EPHA7: variants seen among roughly 807,000 people sequenced by gnomAD.
The protein encoded by EPHA7 is ephrin type-A receptor 7.
In EPHA7, 25 loss-of-function variants were observed where a neutral mutation model predicts 112.6. The ratio of observed to expected loss-of-function variants is 0.22; its 90% CI spans 0.16 to 0.31. The LOEUF (loss-of-function observed/expected upper bound fraction) is 0.31, where lower values mean the gene tolerates loss of function less well. Among genes scored for constraint, EPHA7 ranks in the 10% least tolerant of loss-of-function variants. The pLI is 1.00. For synonymous variants in EPHA7, 437 were observed against 406.5 expected, an observed-to-expected ratio of 1.07 and a Z score of -0.90; for missense variants, 962 against 1,212.6, an observed-to-expected ratio of 0.79 and a Z score of 3.07.
At chr6:93,317,509 G>T (rs1160809394) in intron 5 of EPHA7, among the ~76,000 whole-genome samples, 5 of 151,972 alleles carry the variant, frequency 3.3e-5, no homozygotes, top group Non-Finnish European at 2.9e-5. Context: ...CATTTTTCAG[G>T]TCATTCAATT....
chr6:93,282,965 C>T lies in EPHA7; in HGVS notation c.1325-10543G>A, dbSNP rs567297775. Among the ~76,000 whole-genome samples, 146 of 152,298 alleles carry T rather than the reference C, an allele frequency of 9.6e-4. 3 individuals are homozygous for T. The South Asian group carries it at 0.026, about 27-fold the overall frequency. The stretch of plus-strand genomic sequence containing the variant: ...CCTTCTCCACCGTGCCTAGTCCCAT[C>T]GACCACCCAAGGGCTGAGGAGTGCA... On this transcript the variant is annotated intron_variant, in intron 5 of 16. Transcript: ENST00000369303.
At chr6:93,263,821 A>G (rs867489225) in intron 9 of EPHA7, 39 bp downstream of exon 9, 2 of 1,553,992 alleles carry the variant, frequency 1.3e-6, no homozygotes, top group Middle Eastern at 3.4e-4. Context: ...TTTTCTGTTA[A>G]TAGGGGTACA....
At chr6:93,249,884 A>C (rs573918332) in intron 14 of EPHA7, among the ~76,000 whole-genome samples, 51 of 152,278 alleles carry the variant, frequency 3.3e-4, no homozygotes, top group African/African-American at 1.2e-3. Flanking sequence ...TATATTCTTA[A>C]GTTTTTGTAG....
chr6:93,386,854 C>T (rs180894021), intron 3 of EPHA7, among the ~76,000 whole-genome samples: 33 of 152,198 alleles, frequency 2.2e-4, no homozygotes, highest in African/African-American at 7.5e-4. Flanking sequence ...TACCTTGGCC[C>T]CTTTTAGCCA....
intron 3 of EPHA7, among the ~76,000 whole-genome samples, chr6:93,383,241 T>G (rs533339240): frequency 6.7e-6 from 1 of 149,236 alleles, no homozygotes; most frequent in African/African-American, 2.5e-5. Context: ...ATATAAAATA[T>G]ACAATGACTT....
intron 5 of EPHA7, among the ~76,000 whole-genome samples, chr6:93,297,210 A>G (rs1772718201): frequency 6.6e-6 from 1 of 152,074 alleles, no homozygotes. Context: ...GTCTTCACAG[A>G]AGGCATTTTC....
At chr6:93,250,675 C>G (rs1258419679) in intron 14 of EPHA7, among the ~76,000 whole-genome samples, 1 of 152,078 alleles carries the variant, frequency 6.6e-6, no homozygotes, top group Admixed American at 6.6e-5. Flanking sequence ...GGTAAGATAG[C>G]TGGCCCTCCA....
chr6:93,330,966 C>A (rs1774564151), intron 5 of EPHA7, among the ~76,000 whole-genome samples: 1 of 151,370 alleles, frequency 6.6e-6, no homozygotes, highest in Admixed American at 6.6e-5. Context: ...AACATGCACA[C>A]CTACCCACAA....
At chr6:93,412,681 G>A (rs1779035048) in intron 2 of EPHA7, among the ~76,000 whole-genome samples, 1 of 152,012 alleles carries the variant, frequency 6.6e-6, no homozygotes, top group Non-Finnish European at 1.5e-5. Flanking sequence ...CCATTTGGAT[G>A]GCTAGATTTC....
At chr6:93,419,182 G>A in intron 1 of EPHA7, 63 bp downstream of exon 1, 5 of 1,395,482 alleles carry the variant, frequency 3.6e-6, no homozygotes, top group Non-Finnish European at 4.9e-6. Flanking sequence ...GGACGAGCTG[G>A]CTTGTGCAGG....
intron 2 of EPHA7, among the ~76,000 whole-genome samples, chr6:93,411,928 A>G (rs1778995352): frequency 6.6e-6 from 1 of 152,110 alleles, no homozygotes; most frequent in African/African-American, 2.4e-5. Context: ...AGATGTTTAA[A>G]AATGTCCATT....
intron 3 of EPHA7, among the ~76,000 whole-genome samples, chr6:93,393,756 C>T (rs1040883803): frequency 4.6e-5 from 7 of 151,702 alleles, no homozygotes; most frequent in South Asian, 2.1e-4. Flanking sequence ...AATTTAGATT[C>T]GAACACCTGG....
intron 7 of EPHA7, among the ~76,000 whole-genome samples, chr6:93,266,963 G>A (rs946299787): frequency 3.3e-5 from 5 of 151,732 alleles, no homozygotes. Flanking sequence ...GAGTCTGCAA[G>A]TTCAAAGTCA....
At chr6:93,245,493 A>G (rs564553276) in intron 15 of EPHA7, 40 bp from the exon 16 acceptor site, 1 of 1,587,124 alleles carries the variant, frequency 6.3e-7, no homozygotes, top group South Asian at 1.2e-5. Context: ...ATTATCCTGA[A>G]ATACCAAAGA....
At chr6:93,362,782 A>G (rs1450096439) in intron 3 of EPHA7, among the ~76,000 whole-genome samples, 2 of 146,318 alleles carry the variant, frequency 1.4e-5, no homozygotes, top group African/African-American at 5.1e-5. Flanking sequence ...GCAATTAAGT[A>G]GAAATGGAAT....
chr6:93,347,815 A>T (rs1022383262), intron 5 of EPHA7, among the ~76,000 whole-genome samples: 6 of 151,838 alleles, frequency 4.0e-5, no homozygotes, highest in Non-Finnish European at 7.4e-5. Context: ...TTAGGGCTTC[A>T]GCATAGGAAT....
At chr6:93,286,881 T>C (rs1361172667) in intron 5 of EPHA7, among the ~76,000 whole-genome samples, 1 of 152,182 alleles carries the variant, frequency 6.6e-6, no homozygotes. Flanking sequence ...GATTTAAACA[T>C]ATTTCCAGTG....
At chr6:93,329,167 T>TGAAA (rs1407669162) in intron 5 of EPHA7, among the ~76,000 whole-genome samples, 1 of 151,510 alleles carries the variant, frequency 6.6e-6, no homozygotes, top group African/African-American at 2.4e-5. Flanking sequence ...TCAGACTGAA[T>TGAAA]GAAAATCCTC....
intron 5 of EPHA7, among the ~76,000 whole-genome samples, chr6:93,317,088 C>T (rs1194061487): frequency 1.3e-5 from 2 of 152,116 alleles, no homozygotes; most frequent in Non-Finnish European, 2.9e-5. Context: ...TCTCTTCTCT[C>T]CTCATTCTTT....
Sources: gnomAD v4.1 joint callset for allele counts (sites outside exome capture counted in the v4.1 genomes callset) on GRCh38, gnomAD v4.1.1 for gene constraint, MANE v1.5 for transcripts, NCBI Gene and HGNC (gene_info 2026-07-23, HGNC 2026-07-21) for gene names.